Variants in ZNF521 observed in about 807,000 individuals in gnomAD.
The protein encoded by ZNF521 is zinc finger protein 521.
In ZNF521, 14 loss-of-function variants were observed where a neutral mutation model predicts 105.5. The ratio of observed to expected loss-of-function variants is 0.13; its 90% confidence interval spans 0.09 to 0.21. The LOEUF (loss-of-function observed/expected upper bound fraction) is 0.21. Among genes scored for constraint, ZNF521 ranks in the 10% least tolerant of loss-of-function variants. The probability of loss-of-function intolerance (pLI) is 1.00; values close to 1 mark genes in which losing one functional copy is unlikely to be tolerated. For missense variants in ZNF521, 1,233 were observed against 1,629.7 expected (o/e 0.76, Z 4.19); for synonymous variants, 635 against 606.0 (o/e 1.05, Z -0.70).
intron 3 of ZNF521, among the ~76,000 whole-genome samples, chr18:25,260,175 G>T (rs146188081): frequency 1.7e-3 from 261 of 152,162 alleles, no homozygotes; most frequent in African/African-American, 6.0e-3. Flanking sequence ...ACACATCCTG[G>T]GTTCAAATCC....
Position 25,117,006 on chromosome 18 carries a change from T to TAC in ZNF521, c.3659-24927_3659-24926dup, listed in dbSNP as rs1176125843. ...ATATACACACACACATATATATACATACACACACACACATATATATATACA... is the reference window on the plus strand; with the variant it reads ...ATATACACACACACATATATATACATACACACACACACACATATATATATACA... On this transcript the variant is annotated intron_variant, in intron 5 of 7. Coordinates refer to ENST00000361524, the MANE Select transcript of ZNF521 (RefSeq NM_015461.3). Among the ~76,000 whole-genome samples the TAC allele has an allele frequency of 6.1e-5, 7 of 114,684 alleles. No individual in the cohort carries two copies. In the South Asian group the frequency reaches 1.6e-3, roughly 26 times the overall value. The allele number at this position is 114,684 out of a possible 152,430, so 75.2% of individuals were successfully genotyped here.
intron 3 of ZNF521, among the ~76,000 whole-genome samples, chr18:25,280,554 G>C (rs991645023): frequency 4.6e-5 from 7 of 152,036 alleles, no homozygotes; most frequent in African/African-American, 1.7e-4. Context: ...ACACAAGTCA[G>C]ACCTAGAACT....
intron 5 of ZNF521, among the ~76,000 whole-genome samples, chr18:25,146,198 G>C (rs1004924250): frequency 6.6e-5 from 10 of 152,148 alleles, no homozygotes; most frequent in Non-Finnish European, 1.5e-4. Context: ...ACTCAGGCCT[G>C]TTTTTCTAAC....
intron 3 of ZNF521, among the ~76,000 whole-genome samples, chr18:25,278,828 GA>G (rs1910197284): frequency 6.6e-6 from 1 of 152,142 alleles, no homozygotes; most frequent in Non-Finnish European, 1.5e-5. Flanking sequence ...TTGCCACTGT[GA>G]ATAGTTATTA....
At chr18:25,300,613 C>T (rs1419477442) in intron 3 of ZNF521, among the ~76,000 whole-genome samples, 1 of 152,126 alleles carries the variant, frequency 6.6e-6, no homozygotes, top group East Asian at 1.9e-4. Flanking sequence ...GCAAACTTTG[C>T]ACGTTATAAT....
intron 3 of ZNF521, among the ~76,000 whole-genome samples, chr18:25,271,545 G>T (rs1032438421): frequency 6.6e-6 from 1 of 152,146 alleles, no homozygotes; most frequent in Non-Finnish European, 1.5e-5. Context: ...AACCAAAGCA[G>T]CATAGTACTG....
intron 3 of ZNF521, among the ~76,000 whole-genome samples, chr18:25,275,940 A>G (rs1317935369): frequency 6.6e-6 from 1 of 152,328 alleles, no homozygotes; most frequent in East Asian, 1.9e-4. Flanking sequence ...CGTCCAGGGA[A>G]GCTGCTATTG....
intron 5 of ZNF521, among the ~76,000 whole-genome samples, chr18:25,128,398 C>T (rs2144382075): frequency 6.6e-6 from 1 of 152,030 alleles, no homozygotes; most frequent in Admixed American, 6.6e-5. Context: ...CCTCTAAGAT[C>T]TGAAACAAGG....
At chr18:25,067,774 G>T (rs1049141321) in intron 7 of ZNF521, among the ~76,000 whole-genome samples, 1 of 152,130 alleles carries the variant, frequency 6.6e-6, no homozygotes, top group African/African-American at 2.4e-5. Flanking sequence ...CAAAACTTAT[G>T]CCCAGAGATT....
chr18:25,331,925 T>C (rs1353447664), intron 2 of ZNF521, among the ~76,000 whole-genome samples: 1 of 147,190 alleles, frequency 6.8e-6, no homozygotes, highest in African/African-American at 2.5e-5. Context: ...AGGAAATTCC[T>C]CTCCTTAACT....
chr18:25,065,115 C>A (rs1018246037), intron 7 of ZNF521, among the ~76,000 whole-genome samples: 5 of 152,166 alleles, frequency 3.3e-5, no homozygotes, highest in Non-Finnish European at 5.9e-5. Context: ...TCAAAATACA[C>A]CACATCTAAG....
chr18:25,269,283 A>C (rs1247609364), intron 3 of ZNF521, among the ~76,000 whole-genome samples: 1 of 152,208 alleles, frequency 6.6e-6, no homozygotes, highest in Non-Finnish European at 1.5e-5. Context: ...ACCCAGATTC[A>C]TAAAGCCAGT....
intron 5 of ZNF521, among the ~76,000 whole-genome samples, chr18:25,101,849 C>T (rs899903866): frequency 6.6e-6 from 1 of 152,228 alleles, no homozygotes; most frequent in African/African-American, 2.4e-5. Context: ...GTAGCTCCAA[C>T]AGCAATAATG....
Position 25,226,283 on chromosome 18 carries a change from C to A in ZNF521, c.1635G>T (p.Gly545=), listed in dbSNP as rs746169407. 4.3e-6 allele frequency: 7 copies of A among 1,614,164 alleles called. No homozygotes were observed. The East Asian group carries it at 8.9e-5, about 21-fold the overall frequency. Reference sequence around the variant, plus strand: ...CTTTGGGAGTCCCAAGCACTGGAGACCCAAATCGGGAGCCACTGAGGTCAC... The same window carrying A: ...CTTTGGGAGTCCCAAGCACTGGAGAACCAAATCGGGAGCCACTGAGGTCAC... ...VHCDLSGSRF[G]SPVLGTPKEP... is the part of the protein sequence containing the mutation. The change falls in exon 4 of 8, where the codon GGG becomes GGT. Residue 545 remains glycine, a synonymous_variant. Transcript: ENST00000361524. This position sits in a 1 kb window ranked among gnomAD's most constrained non-coding sequence, Gnocchi z 4.1.
At chr18:25,176,700 C>G (rs1380861283) in intron 5 of ZNF521, among the ~76,000 whole-genome samples, 1 of 152,188 alleles carries the variant, frequency 6.6e-6, no homozygotes, top group East Asian at 1.9e-4. Context: ...GGCAGCGAAG[C>G]CTACAGGGGC....
chr18:25,148,260 A>C (rs576800883), intron 5 of ZNF521, among the ~76,000 whole-genome samples: 1 of 152,320 alleles, frequency 6.6e-6, no homozygotes, highest in East Asian at 1.9e-4. Flanking sequence ...GACGTGACAT[A>C]ATTATTTGCA....
chr18:25,229,270 T>C (rs980737834), intron 3 of ZNF521, among the ~76,000 whole-genome samples: 2 of 152,216 alleles, frequency 1.3e-5, no homozygotes, highest in African/African-American at 4.8e-5. Flanking sequence ...TAGAAACTGA[T>C]GACAACACCA....
chr18:25,272,773 G>T (rs900338963), intron 3 of ZNF521, among the ~76,000 whole-genome samples: 4 of 151,888 alleles, frequency 2.6e-5, no homozygotes, highest in Non-Finnish European at 4.4e-5. Flanking sequence ...GGGTTGGGGG[G>T]TTGGGGAGGG....
At chr18:25,325,742 C>T (rs1240281105) in intron 2 of ZNF521, among the ~76,000 whole-genome samples, 1 of 152,072 alleles carries the variant, frequency 6.6e-6, no homozygotes, top group Non-Finnish European at 1.5e-5. Context: ...GGATTTATAC[C>T]GTTCTGATTG....
Sources: gnomAD v4.1 joint callset for allele counts (sites outside exome capture counted in the v4.1 genomes callset) on GRCh38, gnomAD v4.1.1 for gene constraint, Gnocchi (gnomAD v3.1) non-coding constraint, MANE v1.5 for transcripts, NCBI Gene and HGNC (gene_info 2026-07-23, HGNC 2026-07-21) for gene names.